Variants in STAB2 observed in about 807,000 individuals in gnomAD.
STAB2 encodes the protein stabilin-2.
Under a neutral mutation model 338.1 loss-of-function variants are expected in STAB2, and 288 were observed. The ratio of observed to expected loss-of-function variants is 0.85; its 90% CI spans 0.77 to 0.94. The LOEUF is 0.94. Ranked by LOEUF, STAB2 falls within the 40% of genes least tolerant of loss-of-function variation. STAB2 has a pLI of 0.00. For synonymous variants in STAB2, 1,202 were observed against 1,193.3 expected (o/e 1.01, Z -0.15); for missense variants, 3,141 against 3,210.1 (o/e 0.98, Z 0.52).
intron 3 of STAB2, among the ~76,000 whole-genome samples, chr12:103,600,056 G>A (rs1042678418): frequency 6.6e-6 from 1 of 152,152 alleles, no homozygotes; most frequent in African/African-American, 2.4e-5. Context: ...CCTATAATCT[G>A]AGTGATGAAG....
intron 24 of STAB2, among the ~76,000 whole-genome samples, chr12:103,677,089 C>T (rs1876451051): frequency 6.6e-6 from 1 of 152,174 alleles, no homozygotes; most frequent in South Asian, 2.1e-4. Flanking sequence ...ATTATACAGG[C>T]CCGGGTTCAT....
rs555285046 is a variant in STAB2 at position 103,742,885 on chromosome 12, C to T, written c.6031+331C>T. On this transcript the variant is annotated intron_variant, in intron 56 of 68. Coordinates refer to ENST00000388887, the MANE Select transcript of STAB2 (RefSeq NM_017564.10). ...ACATTGATTAAGTGCCTACTATGTG[C>T]CAGGCACAAATGTTTTACAATTCAA... Among the ~76,000 whole-genome samples the T allele has an allele frequency of 2.4e-3, 365 of 152,310 alleles. 3 individuals carry two copies. Among genetic ancestry groups the T allele is most frequent in the Non-Finnish European group, 2.9e-3 (199 of 68,030 alleles).
chr12:103,712,177 ATG>A (rs1192748369), intron 40 of STAB2, among the ~76,000 whole-genome samples, 188 bp from the exon 41 acceptor site: 1 of 152,190 alleles, frequency 6.6e-6, no homozygotes, highest in Non-Finnish European at 1.5e-5. Context: ...TGCCTGATAA[ATG>A]AGTACAGTTT....
At chr12:103,696,479 T>C (rs1878417158) in intron 33 of STAB2, among the ~76,000 whole-genome samples, 1 of 152,172 alleles carries the variant, frequency 6.6e-6, no homozygotes, top group Admixed American at 6.5e-5. Context: ...ATCGGATAAA[T>C]TATGATCAGC....
chr12:103,725,946 C>A (rs1444961593), intron 45 of STAB2, among the ~76,000 whole-genome samples, 170 bp from the exon 46 acceptor site: 4 of 152,130 alleles, frequency 2.6e-5, no homozygotes, highest in Non-Finnish European at 5.9e-5. Context: ...CACACTATGT[C>A]CACATAGTCA....
At chr12:103,753,492 C>A in intron 61 of STAB2, 139 bp downstream of exon 61, 1 of 1,148,644 alleles carries the variant, frequency 8.7e-7, no homozygotes, top group Non-Finnish European at 1.2e-6. Flanking sequence ...TGCTAACAGT[C>A]ACCATGTCCA....
In STAB2 at chr12:103,707,066, C is replaced by G. The variant is rs779153885; in HGVS notation, c.4192+79C>G. ...TATGCAGGGAAAGAGTGATCCCACA[C>G]GTGCTCTCTAGCTGGCCTGTCGCCC... On this transcript the variant is annotated intron_variant, in intron 38 of 68. Coordinates refer to ENST00000388887, the MANE Select transcript of STAB2 (RefSeq NM_017564.10). The G allele has an allele frequency of 3.3e-6, 5 of 1,505,800 alleles. No individual in the cohort carries two copies. The African/African-American group carries it at 6.8e-5, about 21-fold the overall frequency. The allele number at this position is 1,505,800 out of a possible 1,614,324, so 93.3% of individuals were successfully genotyped here.
intron 18 of STAB2, among the ~76,000 whole-genome samples, chr12:103,663,729 G>C (rs903377197): frequency 6.6e-6 from 1 of 152,134 alleles, no homozygotes; most frequent in Non-Finnish European, 1.5e-5. Context: ...TTAGCTTAAC[G>C]AATTACATCT....
chr12:103,662,189 A>G (rs1321501452), intron 17 of STAB2, among the ~76,000 whole-genome samples: 1 of 152,164 alleles, frequency 6.6e-6, no homozygotes, highest in Non-Finnish European at 1.5e-5. Context: ...AACTGTGATT[A>G]TTTTTGCACC....
chr12:103,737,574 TTCTCTCTCTC>T (rs10558320), intron 52 of STAB2, 50 bp from the exon 53 acceptor site: 16 of 1,017,368 alleles, frequency 1.6e-5, no homozygotes, highest in South Asian at 1.1e-4. Flanking sequence ...GATTGACTGT[TTCTCTCTCTC>T]TCTCTCTCTC....
At chr12:103,611,178 G>T (rs924501391) in intron 3 of STAB2, among the ~76,000 whole-genome samples, 4 of 152,176 alleles carry the variant, frequency 2.6e-5, no homozygotes, top group South Asian at 4.1e-4. Flanking sequence ...ATTTGGGGTG[G>T]AGAGTTCTGT....
At chr12:103,613,857 A>T (rs1364289162) in intron 3 of STAB2, among the ~76,000 whole-genome samples, 1 of 152,046 alleles carries the variant, frequency 6.6e-6, no homozygotes, top group Admixed American at 6.6e-5. Context: ...TATAGTTAAT[A>T]CTGCTTGTCT....
chr12:103,717,879 A>G (rs774108297), intron 44 of STAB2, 38 bp downstream of exon 44: 2 of 1,611,362 alleles, frequency 1.2e-6, no homozygotes, highest in South Asian at 2.2e-5. Flanking sequence ...TTCAAGCCTC[A>G]GAGCCCAGGG....
Position 103,763,619 on chromosome 12 carries a change from A to ATTCTT in STAB2, c.7605+12_7605+16dup. 6.2e-7 allele frequency: 1 copy of ATTCTT among 1,610,220 alleles called. No homozygotes were observed. Among genetic ancestry groups the ATTCTT allele is most frequent in the Non-Finnish European group, 8.5e-7 (1 of 1,177,054 alleles). On this transcript the variant is annotated intron_variant, in intron 68 of 68. Coordinates refer to ENST00000388887, the MANE Select transcript of STAB2 (RefSeq NM_017564.10). ...TACGACCCCTTCACGGTGAGTTTGC[A>ATTCTT]TTCTTATCTAGGAATAGGTTCCCTT...
chr12:103,644,133 A>G (rs1388931080), intron 9 of STAB2, among the ~76,000 whole-genome samples: 148 of 110,772 alleles, frequency 1.3e-3, no homozygotes, highest in African/African-American at 1.9e-3. Flanking sequence ...GATGGTTGCC[A>G]TGTCTGTGTA....
chr12:103,676,538 T>A (rs1385421689), intron 24 of STAB2, among the ~76,000 whole-genome samples: 1 of 152,202 alleles, frequency 6.6e-6, no homozygotes, highest in East Asian at 1.9e-4. Context: ...TGGAGCACAG[T>A]GGTGAAATCA....
At chr12:103,661,855 A>C (rs1874648498) in intron 17 of STAB2, among the ~76,000 whole-genome samples, 1 of 152,064 alleles carries the variant, frequency 6.6e-6, no homozygotes. Flanking sequence ...CAAAAGGGAG[A>C]AGAGTAGGAA....
At chr12:103,677,749 T>C (rs1876523357) in intron 25 of STAB2, 138 bp downstream of exon 25, 3 of 1,010,858 alleles carry the variant, frequency 3.0e-6, no homozygotes, top group Non-Finnish European at 4.1e-6. Context: ...CATGGGTTCA[T>C]TGCCACAACA....
At chr12:103,741,714 C>A (rs1882599030) in intron 55 of STAB2, among the ~76,000 whole-genome samples, 1 of 152,240 alleles carries the variant, frequency 6.6e-6, no homozygotes, top group Non-Finnish European at 1.5e-5. Flanking sequence ...CTTGGCCTCC[C>A]AAAGTGCTAG....
Sources: gnomAD v4.1 joint callset for allele counts (sites outside exome capture counted in the v4.1 genomes callset) on GRCh38, gnomAD v4.1.1 for gene constraint, MANE v1.5 for transcripts, NCBI Gene and HGNC (gene_info 2026-07-23, HGNC 2026-07-21) for gene names.